GLRX3: variants seen among roughly 807,000 people sequenced by gnomAD.
GLRX3 encodes the protein glutaredoxin 3, also known as glutaredoxin-3.
Under a neutral mutation model 49.5 loss-of-function variants are expected in GLRX3, and 22 were observed. The observed-to-expected ratio is 0.44, with a 90% CI of 0.32 to 0.63. The LOEUF is 0.63. GLRX3 is among the 30% of genes least tolerant of loss of function. The pLI is 0.05. For synonymous variants in GLRX3, 133 were observed against 140.0 expected (o/e 0.95, Z 0.35); for missense variants, 385 against 396.3 (o/e 0.97, Z 0.24).
At chr10:130,138,367 C>T (rs1198845414) in intron 1 of GLRX3, among the ~76,000 whole-genome samples, 1 of 152,004 alleles carries the variant, frequency 6.6e-6, no homozygotes, top group East Asian at 1.9e-4. Flanking sequence ...CCCTGTTGAT[C>T]TAAATTGAGT....
At chr10:130,167,942 G>C (rs1039247087) in intron 6 of GLRX3, among the ~76,000 whole-genome samples, 2 of 152,128 alleles carry the variant, frequency 1.3e-5, no homozygotes, top group African/African-American at 4.8e-5. Flanking sequence ...CCTGTAGCCT[G>C]GTGATGCCCT....
intron 2 of GLRX3, among the ~76,000 whole-genome samples, chr10:130,151,429 C>T (rs1045684162): frequency 5.3e-5 from 8 of 152,172 alleles, no homozygotes; most frequent in Non-Finnish European, 8.8e-5. Flanking sequence ...TGTGCAGGTT[C>T]GTTACATAGG....
intron 6 of GLRX3, among the ~76,000 whole-genome samples, chr10:130,169,115 C>T (rs1263860066): frequency 1.3e-5 from 2 of 152,008 alleles, no homozygotes; most frequent in Non-Finnish European, 2.9e-5. Context: ...TTTGGATGGG[C>T]TTAATATATA....
At chr10:130,162,637 C>T (rs1294361396) in intron 4 of GLRX3, among the ~76,000 whole-genome samples, 1 of 152,188 alleles carries the variant, frequency 6.6e-6, no homozygotes, top group Non-Finnish European at 1.5e-5. Flanking sequence ...GAAATCTCTA[C>T]AGTATTCTCT....
At chr10:130,147,995 T>C (rs1347470554) in intron 2 of GLRX3, among the ~76,000 whole-genome samples, 1 of 152,184 alleles carries the variant, frequency 6.6e-6, no homozygotes, top group Non-Finnish European at 1.5e-5. Flanking sequence ...GTCACACCAC[T>C]GGACGTAGAG....
At chr10:130,178,466 G>T (rs1396868900) in intron 10 of GLRX3, among the ~76,000 whole-genome samples, 3 of 151,926 alleles carry the variant, frequency 2.0e-5, no homozygotes, top group Non-Finnish European at 2.9e-5. Flanking sequence ...TGTTGGCCAG[G>T]CTGGGCTTGA....
intron 2 of GLRX3, among the ~76,000 whole-genome samples, chr10:130,159,376 C>CA (rs1458009960): frequency 2.6e-5 from 4 of 152,166 alleles, no homozygotes; most frequent in Non-Finnish European, 4.4e-5. Context: ...TTATCAAACA[C>CA]AATGCAGTCA....
downstream of GLRX3, among the ~76,000 whole-genome samples, chr10:130,179,941 C>A (rs1268616832): frequency 6.6e-5 from 10 of 152,146 alleles, no homozygotes; most frequent in Admixed American, 4.6e-4. Flanking sequence ...ACTCATTTCA[C>A]AAGGCACCAG....
chr10:130,164,264 G>A (rs1862638889), intron 4 of GLRX3, among the ~76,000 whole-genome samples: 1 of 152,184 alleles, frequency 6.6e-6, no homozygotes, highest in Non-Finnish European at 1.5e-5. Flanking sequence ...GCTTGTTTTA[G>A]GAAGAGTTTC....
chr10:130,170,517 GA>G (rs1349520684), intron 7 of GLRX3, among the ~76,000 whole-genome samples: 4 of 152,132 alleles, frequency 2.6e-5, no homozygotes, highest in Non-Finnish European at 5.9e-5. Context: ...CAGCATGTTG[GA>G]AACATTAGGT....
intron 1 of GLRX3, among the ~76,000 whole-genome samples, chr10:130,137,205 T>A (rs982926077): frequency 6.6e-6 from 1 of 152,206 alleles, no homozygotes; most frequent in Non-Finnish European, 1.5e-5. Context: ...TCTGTTCAGA[T>A]TTGGCGCCGG....
At chr10:130,164,461 C>T (rs1411368256) in intron 4 of GLRX3, among the ~76,000 whole-genome samples, 2 of 152,130 alleles carry the variant, frequency 1.3e-5, no homozygotes, top group African/African-American at 4.8e-5. Context: ...TTGAATCAGC[C>T]ACAGAATCAG....
At chr10:130,161,021 T>A in intron 4 of GLRX3, 24 bp downstream of exon 4, 1 of 1,555,452 alleles carries the variant, frequency 6.4e-7, no homozygotes, top group Non-Finnish European at 8.9e-7. Context: ...TTTAACATAA[T>A]ATAAACAAAA....
Position 130,152,460 on chromosome 10 carries a change from T to C in GLRX3, c.201+7141T>C, listed in dbSNP as rs1037829957. On this transcript the variant is annotated intron_variant, in intron 2 of 10. Transcript: ENST00000331244. ...GGCTGGTACTGGTTGTTCCTTTCCA[T>C]GTTTAGTGCTTCCTTCAGGAGCTCT... Among the ~76,000 whole-genome samples, 5 of 152,354 alleles carry C rather than the reference T, an allele frequency of 3.3e-5. No individual in the cohort carries two copies. The East Asian group carries it at 5.8e-4, about 18-fold the overall frequency.
chr10:130,162,694 A>C (rs1425377484), intron 4 of GLRX3, among the ~76,000 whole-genome samples: 2 of 152,198 alleles, frequency 1.3e-5, no homozygotes, highest in Non-Finnish European at 2.9e-5. Flanking sequence ...TGAATGATAA[A>C]CCTAATGAAA....
intron 2 of GLRX3, among the ~76,000 whole-genome samples, chr10:130,147,068 A>G (rs963364553): frequency 1.3e-5 from 2 of 152,204 alleles, no homozygotes; most frequent in Non-Finnish European, 2.9e-5. Context: ...TCTTTATGCA[A>G]ATAGGGCAGA....
chr10:130,174,282 C>T (rs1189507530), intron 8 of GLRX3, among the ~76,000 whole-genome samples: 1 of 152,224 alleles, frequency 6.6e-6, no homozygotes, highest in Admixed American at 6.5e-5. Context: ...AGCCTCCGTC[C>T]ACGAGCACTA....
At chr10:130,158,832 A>C (rs1862524931) in intron 2 of GLRX3, among the ~76,000 whole-genome samples, 1 of 152,212 alleles carries the variant, frequency 6.6e-6, no homozygotes, top group African/African-American at 2.4e-5. Context: ...TCATATAAGT[A>C]CATTTTAAAA....
chr10:130,159,730 A>G, intron 2 of GLRX3: 2 of 1,148,032 alleles, frequency 1.7e-6, no homozygotes, highest in Non-Finnish European at 2.2e-6. Context: ...TAGTGCACCA[A>G]AAATTTTATT....
Sources: allele counts gnomAD v4.1 joint callset (sites outside exome capture counted in the v4.1 genomes callset), GRCh38; gene constraint gnomAD v4.1.1; transcripts MANE v1.5; gene names NCBI Gene and HGNC (gene_info 2026-07-23, HGNC 2026-07-21).